The following ZSCAN5A variants were observed in gnomAD, a reference collection of about 807,000 sequenced individuals.
ZSCAN5A encodes the protein zinc finger and SCAN domain containing 5A.
In ZSCAN5A, 12 loss-of-function variants were observed where a neutral mutation model predicts 23.7. The ratio of observed to expected loss-of-function variants is 0.51; its 90% CI spans 0.32 to 0.82. The LOEUF (loss-of-function observed/expected upper bound fraction) is 0.82. Among genes scored for constraint, ZSCAN5A ranks in the 40% least tolerant of loss-of-function variants. ZSCAN5A has a pLI of 0.03. For missense variants in ZSCAN5A, 597 were observed against 617.9 expected, an observed-to-expected ratio of 0.97 and a Z score of 0.36; for synonymous variants, 257 against 239.9, an observed-to-expected ratio of 1.07 and a Z score of -0.66.
chr19:56,229,675 T>A (rs746432492), intron 2 of ZSCAN5A, among the ~76,000 whole-genome samples: 2 of 152,236 alleles, frequency 1.3e-5, no homozygotes, highest in Non-Finnish European at 2.9e-5. Context: ...AGAGACCGCA[T>A]CGAATCTGCT....
At chr19:56,302,532 C>CCCCG in intron 2 of ZSCAN5A, among the ~76,000 whole-genome samples, 1 of 26,678 alleles carries the variant, frequency 3.7e-5, no homozygotes, top group Non-Finnish European at 1.3e-4. Flanking sequence ...CTCCCTCCCT[C>CCCCG]TTCTTCCTCC....
At chr19:56,276,043 T>G (rs1461679527) in intron 2 of ZSCAN5A, among the ~76,000 whole-genome samples, 2 of 152,232 alleles carry the variant, frequency 1.3e-5, no homozygotes, top group East Asian at 1.9e-4. Context: ...TTTCTCTCTC[T>G]GCTCCCTGCT....
At chr19:56,329,820 T>A (rs1188167360) in intron 2 of ZSCAN5A, among the ~76,000 whole-genome samples, 2 of 152,236 alleles carry the variant, frequency 1.3e-5, no homozygotes, top group Non-Finnish European at 2.9e-5. Context: ...GTTTTTATTT[T>A]TAAAAAATTT....
At position 56,222,089 on chromosome 19, in the gene ZSCAN5A, C is replaced by G. The variant is rs764771843; in HGVS notation, c.977G>C (p.Gly326Ala). The G allele has an allele frequency of 2.5e-6, 4 of 1,614,120 alleles. No homozygotes were observed. Among genetic ancestry groups the G allele is most frequent in the Non-Finnish European group, 3.4e-6 (4 of 1,180,038 alleles). ...ATGAATTGAATTCATCCCAGCTTGT[C>G]CCGGGGATTCTCTGTTGCCCACAGG... ...ATPVGNRESP[G>A]QAGMNSIHSP... The change falls in exon 6 of 6, where the codon GGA becomes GCA. Residue 326 changes from glycine (G) to alanine (A), a missense_variant. By Grantham distance (60) the Gly-to-Ala change is moderately conservative. Around this residue, in one of 5 missense-constraint regions of ZSCAN5A, gnomAD observed 406 missense variants for 353.2 expected, o/e 1.15. Transcript: ENST00000683990.
At chr19:56,367,777 A>T (rs1287082435) in intron 1 of ZSCAN5A, 2 of 152,264 alleles carry the variant, frequency 1.3e-5, no homozygotes, top group African/African-American at 4.8e-5. Flanking sequence ...CTACAGCTCA[A>T]GTGTCAACCA....
At chr19:56,329,764 G>GT (rs2041472739) in intron 2 of ZSCAN5A, among the ~76,000 whole-genome samples, 1 of 151,980 alleles carries the variant, frequency 6.6e-6, no homozygotes, top group Admixed American at 6.6e-5. Flanking sequence ...TGTTCTTTGT[G>GT]TATCACCATT....
intron 2 of ZSCAN5A, among the ~76,000 whole-genome samples, chr19:56,282,800 T>C (rs1053547135): frequency 2.6e-5 from 4 of 152,336 alleles, no homozygotes. Flanking sequence ...CTACCTGACA[T>C]CGATAATAAT....
chr19:56,326,972 C>T (rs1032378694), intron 2 of ZSCAN5A, among the ~76,000 whole-genome samples: 2 of 152,128 alleles, frequency 1.3e-5, no homozygotes, highest in Non-Finnish European at 2.9e-5. Flanking sequence ...TATATGCTGA[C>T]CCACCTACAA....
intron 2 of ZSCAN5A, among the ~76,000 whole-genome samples, chr19:56,241,808 A>T (rs2035445745): frequency 6.6e-6 from 1 of 152,088 alleles, no homozygotes; most frequent in Non-Finnish European, 1.5e-5. Flanking sequence ...ATTATTATTC[A>T]TGTCATCTAC....
chr19:56,233,796 C>T (rs1442209795), intron 2 of ZSCAN5A, among the ~76,000 whole-genome samples: 1 of 152,064 alleles, frequency 6.6e-6, no homozygotes, highest in Non-Finnish European at 1.5e-5. Flanking sequence ...TTAACAGTCC[C>T]AGTTCAGATG....
chr19:56,346,533 A>G (rs2041634380), intron 2 of ZSCAN5A, among the ~76,000 whole-genome samples: 1 of 151,874 alleles, frequency 6.6e-6, no homozygotes, highest in Non-Finnish European at 1.5e-5. Flanking sequence ...CTAGAAAAAA[A>G]AAAAAGAAAA....
rs944071149 is a variant in ZSCAN5A at position 56,335,435 on chromosome 19, T to C, written c.-357-19167A>G. Among the ~76,000 whole-genome samples the C allele has an allele frequency of 3.9e-5, 6 of 152,160 alleles. No homozygotes were observed. In the South Asian group the frequency reaches 1.2e-3, roughly 32 times the overall value. On this transcript the variant is annotated intron_variant, in intron 2 of 6. Coordinates refer to the ZSCAN5A transcript ENST00000587340. ...AGCCAGGCCAACATTTCCATTTGCT[T>C]GGTAGATCTTCCTCCATCCCTTTAT... is the stretch of plus-strand genomic sequence containing the variant.
intron 2 of ZSCAN5A, among the ~76,000 whole-genome samples, chr19:56,296,992 C>T (rs913495979): frequency 3.3e-5 from 5 of 151,998 alleles, no homozygotes; most frequent in African/African-American, 1.2e-4. Context: ...TCACTTGAAC[C>T]TGGGAAGCAG....
At chr19:56,346,920 G>A (rs2041637812) in intron 2 of ZSCAN5A, among the ~76,000 whole-genome samples, 1 of 152,052 alleles carries the variant, frequency 6.6e-6, no homozygotes, top group South Asian at 2.1e-4. Context: ...GTAGAGATGG[G>A]GTTTCACCGC....
At chr19:56,350,351 A>G (rs2041659977) in intron 2 of ZSCAN5A, among the ~76,000 whole-genome samples, 1 of 152,248 alleles carries the variant, frequency 6.6e-6, no homozygotes, top group African/African-American at 2.4e-5. Flanking sequence ...CTAAAGGGAA[A>G]TAACCGGTTG....
intron 1 of ZSCAN5A, among the ~76,000 whole-genome samples, chr19:56,363,695 T>C (rs1182179483): frequency 6.6e-6 from 1 of 152,262 alleles, no homozygotes; most frequent in African/African-American, 2.4e-5. Context: ...GGTTGAATTG[T>C]GTCCATCCTT....
intron 2 of ZSCAN5A, among the ~76,000 whole-genome samples, chr19:56,256,874 C>T (rs1273537042): frequency 2.0e-5 from 3 of 151,482 alleles, no homozygotes; most frequent in Non-Finnish European, 4.4e-5. Flanking sequence ...ACCTGTTTTG[C>T]GATGGATTAT....
upstream of ZSCAN5A, chr19:56,317,463 A>G (rs2041328883): frequency 6.6e-6 from 1 of 152,304 alleles, no homozygotes; most frequent in Non-Finnish European, 1.5e-5. Context: ...CGGAGCCCTC[A>G]TTACACTGGA....
chr19:56,365,039 TAAAAGAAAACATCCATTC>T (rs1210411457), intron 1 of ZSCAN5A: 2 of 152,240 alleles, frequency 1.3e-5, no homozygotes, highest in African/African-American at 4.8e-5. Flanking sequence ...AAACCATTTT[TAAAAGAAAACATCCATTC>T]CTGGAAACAG....
Sources: allele counts gnomAD v4.1 joint callset (sites outside exome capture counted in the v4.1 genomes callset), GRCh38; gene constraint gnomAD v4.1.1; regional missense constraint gnomAD v4.1.1; transcripts MANE v1.5; gene names NCBI Gene and HGNC (gene_info 2026-07-23, HGNC 2026-07-21).